Variants in P3H3 observed in about 807,000 individuals in gnomAD.
The protein encoded by P3H3 is prolyl 3-hydroxylase 3, also known as gene rich cluster, B.
In P3H3, 64 loss-of-function variants were observed where a neutral mutation model predicts 78.1. That is an observed-to-expected ratio of 0.82 (90% CI 0.67 to 1.01). The LOEUF (loss-of-function observed/expected upper bound fraction) is 1.01, where lower values mean the gene tolerates loss of function less well. Ranked by LOEUF, P3H3 falls within the 50% of genes least tolerant of loss-of-function variation. The pLI is 0.00. For missense variants in P3H3, 975 were observed against 982.2 expected, an observed-to-expected ratio of 0.99 and a Z score of 0.10; for synonymous variants, 425 against 416.7, an observed-to-expected ratio of 1.02 and a Z score of -0.24.
At chr12:6,832,001 C>T (rs970466361) in intron 6 of P3H3, 87 bp downstream of exon 6, 14 of 764,628 alleles carry the variant, frequency 1.8e-5, no homozygotes, top group African/African-American at 3.5e-5. Flanking sequence ...TTCCATTTTT[C>T]CACCATGAGG....
intron 10 of P3H3, 80 bp downstream of exon 10, chr12:6,837,166 T>TGTGCAGGAAGCC: frequency 7.9e-7 from 1 of 1,270,352 alleles, no homozygotes; most frequent in South Asian, 1.3e-5. Flanking sequence ...CCCCAGGGCC[T>TGTGCAGGAAGCC]GGGCTTTTGT....
Position 6,831,947 on chromosome 12 carries a change from T to G in P3H3, c.1212+33T>G, listed in dbSNP as rs782093247. The G allele has an allele frequency of 7.9e-7, 1 of 1,267,684 alleles. No individual in the cohort carries two copies. Among genetic ancestry groups the G allele is most frequent in the South Asian group, 1.2e-5 (1 of 80,212 alleles). The allele number at this position is 1,267,684 out of a possible 1,614,324, so 78.5% of individuals were successfully genotyped here. A position where few individuals can be genotyped will look rare whatever the true frequency, so the allele number is the denominator to read the frequency against. ...ACTCCACTTCTGCCCATCTCACCCC[T>G]CCGCACTCCCAGGAGGGATGGCACT... On this transcript the variant is annotated intron_variant, in intron 6 of 14. Transcript: ENST00000290510. This position sits in a 1 kb window ranked among gnomAD's most constrained non-coding sequence, Gnocchi z 4.6.
At chr12:6,839,245 C>A in intron 14 of P3H3, 52 bp from the exon 15 acceptor site, 1 of 1,563,514 alleles carries the variant, frequency 6.4e-7, no homozygotes, top group Non-Finnish European at 8.7e-7. Flanking sequence ...GCTGAGCTGA[C>A]CCAGGGAAGG....
intron 10 of P3H3, 63 bp downstream of exon 10, chr12:6,837,149 A>G: frequency 7.0e-7 from 1 of 1,430,644 alleles, no homozygotes; most frequent in Non-Finnish European, 9.6e-7. Context: ...CTGTGCAGGA[A>G]GCCGGGCCCC....
intron 6 of P3H3, among the ~76,000 whole-genome samples, chr12:6,833,216 C>T (rs1177568938): frequency 9.9e-5 from 15 of 152,108 alleles, no homozygotes; most frequent in African/African-American, 3.4e-4. Context: ...AAACAACTAA[C>T]CCTGTCATTT....
intron 10 of P3H3, 67 bp downstream of exon 10, chr12:6,837,153 G>C: frequency 7.3e-7 from 1 of 1,369,766 alleles, no homozygotes; most frequent in Non-Finnish European, 1.0e-6. Context: ...GCAGGAAGCC[G>C]GGCCCCAGGG....
rs1943535756 is a variant in P3H3, at chr12:6,839,329, G to A, written c.2079G>A (p.Glu693=). 5 of 1,553,758 alleles carry A rather than the reference G, an allele frequency of 3.2e-6. No individual in the cohort carries two copies. Among genetic ancestry groups the A allele is most frequent in the Non-Finnish European group, 4.4e-6 (5 of 1,148,110 alleles). ...TAGAAGCCAAAGAACTGCTGCAGGA[G>A]TCACAGGAGGAGGAGGAAGAGGAAG... ...EWIEAKELLQ[E]SQEEEEEEEE... Residue 693 remains glutamate, a synonymous_variant, in exon 15 of 15, where the codon GAG becomes GAA. Coordinates refer to ENST00000290510, the MANE Select transcript of P3H3 (RefSeq NM_014262.5).
At chr12:6,830,954 A>G (rs1320808641) in intron 4 of P3H3, 184 bp downstream of exon 4, 1 of 907,726 alleles carries the variant, frequency 1.1e-6, no homozygotes, top group East Asian at 2.6e-5. Flanking sequence ...AGCTCAGGAG[A>G]TGGGCTTCCT....
intron 10 of P3H3, 65 bp downstream of exon 10, chr12:6,837,151 C>G (rs1943506807): frequency 7.0e-7 from 1 of 1,421,686 alleles, no homozygotes. Flanking sequence ...GTGCAGGAAG[C>G]CGGGCCCCAG....
rs781953430 is a variant in P3H3 at position 6,831,185 on chromosome 12, C to T, written c.986-31C>T. ...TCAATGTGCTCTAAGTATTCATCCC[C>T]CAACCCCTGACCTTGTCGCTCCCTC... On this transcript the variant is annotated intron_variant, in intron 4 of 14. Transcript: ENST00000290510. The surrounding 1 kb of genome is among the most constrained non-coding windows in gnomAD (Gnocchi z 4.6). 6.2e-7 allele frequency: 1 copy of T among 1,613,610 alleles called. No individual in the cohort carries two copies. The highest frequency in any genetic ancestry group is 2.2e-5 in the East Asian group (1 of 44,858).
In P3H3 at chr12:6,830,459, G is replaced by A; in HGVS notation, c.758G>A (p.Cys253Tyr). 1 of 1,587,890 alleles carries A rather than the reference G, an allele frequency of 6.3e-7. No individual in the cohort carries two copies. Residue 253 changes from cysteine (C) to tyrosine (Y), a missense_variant, in exon 3 of 15, where the codon TGC becomes TAC. By Grantham distance (194) the Cys-to-Tyr change is radical. Transcript: ENST00000290510. ...GGGAGCCTGGCCCAGATGGAGAGCT[G>A]CCGTGCTGACTGTGAGGGGCCTGAG... ...LQGSLAQMES[C>Y]RADCEGPEEQ...
Position 6,839,454 on chromosome 12 carries a change from A to G in P3H3, c.2204A>G (p.Glu735Gly), listed in dbSNP as rs1943538500. 6.4e-7 allele frequency: 1 copy of G among 1,550,806 alleles called. No individual in the cohort carries two copies. Among genetic ancestry groups the G allele is most frequent in the Admixed American group, 2.0e-5 (1 of 50,960 alleles). ...KTGRAPRVREEL is the reference protein window; with the variant it reads ...KTGRAPRVREGL ...GGAAGGGCACCTCGGGTTCGGGAGG[A>G]GCTGTGAGTGGCTGAGCCAGCTCCT... Residue 735 changes from glutamate to glycine, a missense_variant, in exon 15 of 15, where the codon GAG (glutamate) becomes GGG (glycine). By Grantham distance (98) the Glu-to-Gly change is moderately conservative. Transcript: ENST00000290510.
rs1555121072 is a variant in P3H3, at chr12:6,830,011, G to C, written c.651G>C (p.Trp217Cys). 6.2e-7 allele frequency: 1 copy of C among 1,613,732 alleles called. No individual in the cohort carries two copies. The highest frequency in any genetic ancestry group is 8.5e-7 in the Non-Finnish European group (1 of 1,179,786). ...GGGACCTGGAGACGCCCCCACACTG[G>C]GTGAGAATCCCAGCACCACCCCTGT... is the stretch of plus-strand genomic sequence containing the variant. ...SFRDLETPPH[W>C]AAYDTGLELL... The change falls in exon 2 of 15, where the codon TGG becomes TGC. Residue 217 changes from tryptophan (W) to cysteine (C), a missense_variant and splice_region_variant. Trp to Cys is a radical substitution (Grantham distance 215). Transcript: ENST00000290510.
At position 6,828,736 on chromosome 12, in the gene P3H3, C is replaced by T. The variant is rs1289579453; in HGVS notation, c.296C>T (p.Pro99Leu). The T allele has an allele frequency of 8.0e-7, 1 of 1,246,350 alleles. No homozygotes were observed. The highest frequency in any genetic ancestry group is 1.0e-6 in the Non-Finnish European group (1 of 995,978). The allele number at this position is 1,246,350 out of a possible 1,614,324, so 77.2% of individuals were successfully genotyped here. ...LPAVLLGAPE[P>L]DSGPGPTQGS... ...GCCGTGCTTCTCGGGGCCCCGGAGC[C>T]CGACTCCGGGCCGGGACCCACGCAG... The change falls in exon 1 of 15, where the codon CCC becomes CTC. Residue 99 changes from proline (P) to leucine (L), a missense_variant. Coordinates refer to ENST00000290510, the MANE Select transcript of P3H3 (RefSeq NM_014262.5).
rs1555122239 is a variant in P3H3 at position 6,837,055 on chromosome 12, T to A, written c.1529T>A (p.Phe510Tyr). Residue 510 changes from phenylalanine (F) to tyrosine (Y), a missense_variant, in exon 10 of 15, where the codon TTC (phenylalanine) becomes TAC (tyrosine). Transcript: ENST00000290510. Reference sequence around the variant, plus strand: ...TCCCCTCACACCCCCCATGAACGCTTCGAGGGGCTCACGGTGCTTAAGGCT... The same window carrying A: ...TCCCCTCACACCCCCCATGAACGCTACGAGGGGCTCACGGTGCTTAAGGCT... ...RRSPHTPHER[F>Y]EGLTVLKAAQ... 6.2e-7 allele frequency: 1 copy of A among 1,606,464 alleles called. No homozygotes were observed.
At position 6,834,052 on chromosome 12, in the gene P3H3, A is replaced by C. The variant is rs1943474128; in HGVS notation, c.1458+3A>C. 1.2e-6 allele frequency: 2 copies of C among 1,613,178 alleles called. No individual in the cohort carries two copies. The highest frequency in any genetic ancestry group is 1.3e-5 in the African/African-American group (1 of 74,912). ...GGGTGCTGCTGCAGCTGGCTAAGGT[A>C]GGAAGACCTGCAAGCTCATCAGCTC... On this transcript the variant is annotated splice_donor_region_variant and intron_variant, in intron 9 of 14. Transcript: ENST00000290510.
intron 4 of P3H3, 138 bp downstream of exon 4, chr12:6,830,908 A>G (rs1452264171): frequency 3.0e-6 from 4 of 1,319,408 alleles, no homozygotes; most frequent in Admixed American, 1.8e-5. Flanking sequence ...TCACTTCACA[A>G]GGACTCTAAT....
Position 6,833,951 on chromosome 12 carries a change from T to C in P3H3, c.1360T>C (p.Leu454=). Residue 454 remains leucine (L), a synonymous_variant, in exon 9 of 15, where the codon TTG becomes CTG. Coordinates refer to ENST00000290510, the MANE Select transcript of P3H3 (RefSeq NM_014262.5). ...KDVLLLEGVT[L]TQDSRQLNGS... ...TGTCCTTCTCCTGGAGGGTGTGACC[T>C]TGACCCAGGATTCCAGGCAGCTGAA... 6.2e-7 allele frequency: 1 copy of C among 1,613,954 alleles called. No individual in the cohort carries two copies.
In P3H3 at chr12:6,837,961, A is replaced by T; in HGVS notation, c.1833A>T (p.Gly611=). Residue 611 remains glycine (G), a synonymous_variant, in exon 13 of 15, where the codon GGA becomes GGT. Coordinates refer to ENST00000290510, the MANE Select transcript of P3H3 (RefSeq NM_014262.5). Reference sequence around the variant, plus strand: ...TCTTGCTTTTTTCCCTCCCCAGCGGACTCCTCTACCTCAACGATGACTTCC... The same window carrying T: ...TCTTGCTTTTTTCCCTCCCCAGCGGTCTCCTCTACCTCAACGATGACTTCC... ...PPAYTYRDYS[G]LLYLNDDFQG... 1 of 1,605,902 alleles carries T rather than the reference A, an allele frequency of 6.2e-7. No homozygotes were observed. Among genetic ancestry groups the T allele is most frequent in the Non-Finnish European group, 8.5e-7 (1 of 1,176,208 alleles).
Sources: gnomAD v4.1 joint callset for allele counts (sites outside exome capture counted in the v4.1 genomes callset) on GRCh38, gnomAD v4.1.1 for gene constraint, Gnocchi (gnomAD v3.1) non-coding constraint, MANE v1.5 for transcripts, NCBI Gene and HGNC (gene_info 2026-07-23, HGNC 2026-07-21) for gene names.